NOX4: variants seen among roughly 807,000 people sequenced by gnomAD.
NOX4 encodes NADPH oxidase 4.
Under a neutral mutation model 87.6 loss-of-function variants are expected in NOX4, and 69 were observed. That is an observed-to-expected ratio of 0.79 (90% confidence interval 0.65 to 0.96). NOX4 has a LOEUF of 0.96. Among genes scored for constraint, NOX4 ranks in the 40% least tolerant of loss-of-function variants. NOX4 has a pLI of 0.00. For synonymous variants in NOX4, 275 were observed against 238.2 expected (o/e 1.15, Z -1.42); for missense variants, 680 against 681.5 (o/e 1.00, Z 0.02).
the NOX4 span, among the ~76,000 whole-genome samples, chr11:89,505,144 G>A: frequency 2.0e-5 from 3 of 151,864 alleles, no homozygotes; most frequent in African/African-American, 7.2e-5. Flanking sequence ...CCTAACACAG[G>A]AATATTAGGT....
intron 12 of NOX4, among the ~76,000 whole-genome samples, chr11:89,366,765 T>A (rs1439188762): frequency 6.6e-6 from 1 of 151,730 alleles, no homozygotes; most frequent in East Asian, 1.9e-4. Context: ...TATTTACTCC[T>A]ATGTTTGGGT....
chr11:89,477,754 T>A (rs890863093), intron 2 of NOX4, among the ~76,000 whole-genome samples: 9 of 142,832 alleles, frequency 6.3e-5, no homozygotes. Context: ...CATGTGTATA[T>A]CAATTTATGA....
the NOX4 span, among the ~76,000 whole-genome samples, chr11:89,553,615 CA>C: frequency 1.0e-3 from 155 of 150,228 alleles, no homozygotes; most frequent in African/African-American, 2.7e-3. Context: ...AGTAGAGAGA[CA>C]AAAAAAAATT....
chr11:89,343,985 A>G (rs1946112641), intron 13 of NOX4, among the ~76,000 whole-genome samples: 1 of 151,898 alleles, frequency 6.6e-6, no homozygotes, highest in Admixed American at 6.6e-5. Flanking sequence ...AACTGATTTA[A>G]ATCTTTTATT....
At chr11:89,491,875 G>C (rs143422632), upstream of NOX4, among the ~76,000 whole-genome samples, 176 of 151,866 alleles carry the variant, frequency 1.2e-3, no homozygotes, top group African/African-American at 3.8e-3. Flanking sequence ...GCTAGTTCAC[G>C]TTTCTCCCAC....
the NOX4 span, among the ~76,000 whole-genome samples, chr11:89,520,753 A>G: frequency 2.0e-3 from 308 of 152,214 alleles, no homozygotes; most frequent in African/African-American, 6.4e-3. Flanking sequence ...GGAACAAACT[A>G]TCTCTCTTCA....
chr11:89,541,844 A>G, the NOX4 span, among the ~76,000 whole-genome samples: 1 of 152,162 alleles, frequency 6.6e-6, no homozygotes, highest in Non-Finnish European at 1.5e-5. Context: ...TATTAAGATA[A>G]GTTCTCACTA....
chr11:89,548,040 T>C, the NOX4 span: 4 of 151,806 alleles, frequency 2.6e-5, no homozygotes, highest in African/African-American at 9.7e-5. Flanking sequence ...ATTGATAATT[T>C]TAGGAGATAC....
chr11:89,443,164 A>G (rs917429042), intron 5 of NOX4, among the ~76,000 whole-genome samples: 23 of 152,192 alleles, frequency 1.5e-4, no homozygotes, highest in Admixed American at 1.3e-3. Context: ...TTTTTAAAAT[A>G]CCAATAGAGA....
Position 89,325,261 on chromosome 11 carries a change from T to C in NOX4, c.*1495A>G, listed in dbSNP as rs934513797. The stretch of plus-strand genomic sequence containing the variant: ...GCCTCAGTCTCCCGAGTAGTTGGGA[T>C]TATAGGCACCCGCCACCACACCCGC... On this transcript the variant is annotated 3_prime_UTR_variant, in exon 18 of 18. Coordinates refer to ENST00000263317, the MANE Select transcript of NOX4 (RefSeq NM_016931.5). The C allele has an allele frequency of 2.0e-5, 3 of 151,596 alleles. No homozygotes were observed. The highest frequency in any genetic ancestry group is 7.3e-5 in the African/African-American group (3 of 41,214). 9.4% of individuals were successfully genotyped at this position (151,596 alleles called of 1,614,324 possible). A position where few individuals can be genotyped will look rare whatever the true frequency, so the allele number is the denominator to read the frequency against.
intron 11 of NOX4, among the ~76,000 whole-genome samples, chr11:89,374,066 G>C (rs986296622): frequency 6.6e-6 from 1 of 152,020 alleles, no homozygotes; most frequent in Non-Finnish European, 1.5e-5. Context: ...GGTAAAAAAA[G>C]TGCTTTATGG....
chr11:89,352,848 T>G (rs1937665161), intron 13 of NOX4, among the ~76,000 whole-genome samples: 3 of 152,188 alleles, frequency 2.0e-5, no homozygotes, highest in African/African-American at 7.2e-5. Flanking sequence ...GAGATCGAGT[T>G]TCACTCTGTT....
At chr11:89,352,553 A>G (rs1030530737) in intron 13 of NOX4, among the ~76,000 whole-genome samples, 3 of 152,218 alleles carry the variant, frequency 2.0e-5, no homozygotes, top group African/African-American at 7.2e-5. Context: ...AACATTCATG[A>G]TTCATGGGAG....
At chr11:89,572,369 C>T in the NOX4 span, among the ~76,000 whole-genome samples, 3 of 152,260 alleles carry the variant, frequency 2.0e-5, no homozygotes, top group South Asian at 2.1e-4. Flanking sequence ...TTTTTGCTAT[C>T]GACCTCTAGC....
chr11:89,431,961 T>C (rs544781128), intron 7 of NOX4, among the ~76,000 whole-genome samples: 146 of 152,230 alleles, frequency 9.6e-4, no homozygotes, highest in African/African-American at 3.1e-3. Context: ...CAAATGTCCA[T>C]CAATGATAGA....
intron 6 of NOX4, among the ~76,000 whole-genome samples, chr11:89,437,003 C>A (rs1203156680): frequency 6.6e-6 from 1 of 151,746 alleles, no homozygotes; most frequent in African/African-American, 2.4e-5. Flanking sequence ...TTCCAACACA[C>A]AGAGATAGAA....
At chr11:89,432,760 A>G in intron 7 of NOX4, 24 bp downstream of exon 7, 6 of 1,542,524 alleles carry the variant, frequency 3.9e-6, no homozygotes, top group South Asian at 1.1e-5. Flanking sequence ...GATACACATC[A>G]AAATAATTGA....
intron 2 of NOX4, among the ~76,000 whole-genome samples, chr11:89,477,127 T>C (rs577924456): frequency 1.3e-5 from 2 of 152,284 alleles, no homozygotes; most frequent in East Asian, 1.9e-4. Flanking sequence ...TCTAGTATTA[T>C]TACATTGTAA....
intron 2 of NOX4, chr11:89,488,899 T>A: frequency 3.1e-6 from 2 of 655,430 alleles, no homozygotes. Flanking sequence ...TATTTATTTG[T>A]TGGTTTTTCC....
Sources: gnomAD v4.1 joint callset for allele counts (sites outside exome capture counted in the v4.1 genomes callset) on GRCh38, gnomAD v4.1.1 for gene constraint, MANE v1.5 for transcripts, NCBI Gene and HGNC (gene_info 2026-07-23, HGNC 2026-07-21) for gene names.